The following FAM151A variants were observed in gnomAD, a reference collection of about 807,000 sequenced individuals.
The protein encoded by FAM151A is family with sequence similarity 151 member A.
A neutral mutation model predicts 40.4 loss-of-function variants in FAM151A; 41 were observed. The ratio of observed to expected loss-of-function variants is 1.01; its 90% CI spans 0.79 to 1.32. The LOEUF (loss-of-function observed/expected upper bound fraction) is 1.32. Among genes scored for constraint, FAM151A ranks in the 40% most tolerant of loss-of-function variants. The probability of loss-of-function intolerance (pLI) is 0.00; values close to 1 mark genes in which losing one functional copy is unlikely to be tolerated. For missense variants in FAM151A, 740 were observed against 740.4 expected, an observed-to-expected ratio of 1.00 and a Z score of 0.01; for synonymous variants, 337 against 312.5, an observed-to-expected ratio of 1.08 and a Z score of -0.83.
At position 54,609,187 on chromosome 1, in the gene FAM151A, A is replaced by G; in HGVS notation, c.*81T>C. 1 of 1,602,774 alleles carries G rather than the reference A, an allele frequency of 6.2e-7. No individual in the cohort carries two copies. Among genetic ancestry groups the G allele is most frequent in the Non-Finnish European group, 8.5e-7 (1 of 1,173,944 alleles). The stretch of plus-strand genomic sequence containing the variant: ...AGGACTCACATACAGTGCCTGGAGA[A>G]AGCCAAAGACCTTTATTTCTTCCTG... On this transcript the variant is annotated 3_prime_UTR_variant, in exon 8 of 8. Coordinates refer to ENST00000302250, the MANE Select transcript of FAM151A (RefSeq NM_176782.3).
rs71045199 is a variant in FAM151A at position 54,614,939 on chromosome 1, G to GGTGTGTGT, written c.416-88_416-81dup. 2.9e-3 allele frequency: 3,440 copies of GGTGTGTGT among 1,198,218 alleles called. 6 individuals carry two copies. Among genetic ancestry groups the GGTGTGTGT allele is most frequent in the African/African-American group, 6.0e-3 (412 of 68,210 alleles). The allele number at this position is 1,198,218 out of a possible 1,614,324, so 74.2% of individuals were successfully genotyped here. On this transcript the variant is annotated intron_variant, in intron 3 of 7. Coordinates refer to ENST00000302250, the MANE Select transcript of FAM151A (RefSeq NM_176782.3). ...GACTCCCTGGGCAGAAAGCAGAGCG[G>GGTGTGTGT]GTGTGTGTGTGTGTGCATGTGCGTG...
chr1:54,611,666 C>T lies in FAM151A; in HGVS notation c.880G>A (p.Val294Ile), dbSNP rs915364891. Residue 294 changes from valine to isoleucine, a missense_variant, in exon 6 of 8, where the codon GTC (valine) becomes ATC (isoleucine). Coordinates refer to ENST00000302250, the MANE Select transcript of FAM151A (RefSeq NM_176782.3). ...DLLYVRDNTAVHQVYYDIFEP... is the reference protein window; with the variant it reads ...DLLYVRDNTAIHQVYYDIFEP... ...AAGATGTCATAGTAGACTTGGTGGACAGCAGTGTTATCCCGGACGTAGAGC... is the reference window on the plus strand; with the variant it reads ...AAGATGTCATAGTAGACTTGGTGGATAGCAGTGTTATCCCGGACGTAGAGC... 6.2e-7 allele frequency: 1 copy of T among 1,613,956 alleles called. No homozygotes were observed. Among genetic ancestry groups the T allele is most frequent in the African/African-American group, 1.3e-5 (1 of 74,912 alleles).
chr1:54,614,925 C>T (rs1300724871), intron 3 of FAM151A, 66 bp from the exon 4 acceptor site: 1 of 1,518,162 alleles, frequency 6.6e-7, no homozygotes. Flanking sequence ...ACTCCCTGGG[C>T]AGAAAGCAGA....
chr1:54,615,567 G>A (rs550060628), intron 3 of FAM151A, among the ~76,000 whole-genome samples: 96 of 152,216 alleles, frequency 6.3e-4, no homozygotes, highest in Admixed American at 1.2e-3. Context: ...GACTAGATGG[G>A]GGCAGGGTTA....
chr1:54,609,702 A>C lies in FAM151A; in HGVS notation c.1324T>G (p.Trp442Gly). Residue 442 changes from tryptophan to glycine, a missense_variant, in exon 8 of 8, where the codon TGG (tryptophan) becomes GGG (glycine). Physicochemically the swap from Trp to Gly is radical, Grantham distance 184 (BLOSUM62 -2). Transcript: ENST00000302250. ...SSLGLLHWPV[W>G]VGAKISHGSF... Reference sequence around the variant, plus strand: ...CCGTGGGAGATTTTGGCCCCAACCCACACAGGCCAATGCAAGAGGCCAAGG... The same window carrying C: ...CCGTGGGAGATTTTGGCCCCAACCCCCACAGGCCAATGCAAGAGGCCAAGG... 3 of 1,614,088 alleles carry C rather than the reference A, an allele frequency of 1.9e-6. No individual in the cohort carries two copies. The highest frequency in any genetic ancestry group is 2.5e-6 in the Non-Finnish European group (3 of 1,180,022).
rs1312711989 is a variant in FAM151A, at chr1:54,620,016, A to T, written c.119-9T>A. ...GGCCTCCAGCTCACAGCCTGGAAGG[A>T]ATCCCAAGGGGCTGTTAGCGTCTGT... On this transcript the variant is annotated splice_polypyrimidine_tract_variant and intron_variant, in intron 1 of 7. Transcript: ENST00000302250. 3 of 1,613,436 alleles carry T rather than the reference A, an allele frequency of 1.9e-6. No individual in the cohort carries two copies. The highest frequency in any genetic ancestry group is 2.7e-5 in the African/African-American group (2 of 74,922).
Position 54,623,477 on chromosome 1 carries a change from G to T in FAM151A, c.-82C>A. On this transcript the variant is annotated 5_prime_UTR_variant, in exon 1 of 8. Transcript: ENST00000302250. ...CCCTGCAGCTGGAATCCTGTGGGAGGCAGGAGCTCCCAGCAGCACCTAATT... is the reference window on the plus strand; with the variant it reads ...CCCTGCAGCTGGAATCCTGTGGGAGTCAGGAGCTCCCAGCAGCACCTAATT... 9.8e-7 allele frequency: 1 copy of T among 1,018,894 alleles called. No individual in the cohort carries two copies. The highest frequency in any genetic ancestry group is 1.5e-6 in the Non-Finnish European group (1 of 655,278). The allele number at this position is 1,018,894 out of a possible 1,614,324, so 63.1% of individuals were successfully genotyped here. A position where few individuals can be genotyped will look rare whatever the true frequency, so the allele number is the denominator to read the frequency against.
chr1:54,623,011 C>A (rs1304223076), intron 1 of FAM151A, among the ~76,000 whole-genome samples: 2 of 151,626 alleles, frequency 1.3e-5, no homozygotes, highest in Non-Finnish European at 2.9e-5. Context: ...CCCATCTCTA[C>A]TAAAATTACA....
chr1:54,610,078 G>A, intron 7 of FAM151A, 137 bp from the exon 8 acceptor site: 1 of 1,437,138 alleles, frequency 7.0e-7, no homozygotes, highest in Non-Finnish European at 9.1e-7. Flanking sequence ...ACCCAGTTTT[G>A]GGCTCCAGGT....
Position 54,611,848 on chromosome 1 carries a change from A to G in FAM151A, c.801-103T>C, listed in dbSNP as rs1361503900. On this transcript the variant is annotated intron_variant, in intron 5 of 7. Coordinates refer to ENST00000302250, the MANE Select transcript of FAM151A (RefSeq NM_176782.3). ...ATGTCAGCTGGGCGCAGGGTAGAGC[A>G]TCTGTCCTCCAGTCGCCCACCTGCC... is the stretch of plus-strand genomic sequence containing the variant. 2.1e-6 allele frequency: 3 copies of G among 1,417,012 alleles called. No homozygotes were observed. In the East Asian group the frequency reaches 7.0e-5, roughly 33 times the overall value. The allele number at this position is 1,417,012 out of a possible 1,614,324, so 87.8% of individuals were successfully genotyped here.
At position 54,614,704 on chromosome 1, in the gene FAM151A, T is replaced by C; in HGVS notation, c.571A>G (p.Thr191Ala). The C allele has an allele frequency of 1.2e-6, 2 of 1,612,134 alleles. No individual in the cohort carries two copies. Among genetic ancestry groups the C allele is most frequent in the Non-Finnish European group, 1.7e-6 (2 of 1,178,708 alleles). The change falls in exon 4 of 8, where the codon ACA becomes GCA. Residue 191 changes from threonine to alanine, a missense_variant. By Grantham distance (58) the Thr-to-Ala change is moderately conservative. Coordinates refer to ENST00000302250, the MANE Select transcript of FAM151A (RefSeq NM_176782.3). ...NMLISTEVNA[T>A]QFLALVQEKY... ...GACAGAGAGGCGAACACTCACTGTG[T>C]GGCATTGACCTCAGTTGAGATGAGC...
At chr1:54,612,308 A>T (rs545842571) in intron 5 of FAM151A, among the ~76,000 whole-genome samples, 178 bp downstream of exon 5, 175 of 151,910 alleles carry the variant, frequency 1.2e-3, no homozygotes, top group Middle Eastern at 0.01. Context: ...CTTGGGAGGT[A>T]GTGAGTAGCC....
In FAM151A at chr1:54,619,930, C is replaced by T; in HGVS notation, c.196G>A (p.Asp66Asn). Residue 66 changes from aspartate to asparagine, a missense_variant, in exon 2 of 8, where the codon GAT (aspartate) becomes AAT (asparagine). Physicochemically the swap from Asp to Asn is conservative, Grantham distance 23 (BLOSUM62 1). Coordinates refer to ENST00000302250, the MANE Select transcript of FAM151A (RefSeq NM_176782.3). The stretch of plus-strand genomic sequence containing the variant: ...TGGTACCAGGTGACCTCCAAGGCAT[C>T]TCGCCGGCTGATCTGGCCCAGGCTC... ...LLSLGQISRR[D>N]ALEVTWYHAA... 6.2e-7 allele frequency: 1 copy of T among 1,614,188 alleles called. No individual in the cohort carries two copies. Among genetic ancestry groups the T allele is most frequent in the Non-Finnish European group, 8.5e-7 (1 of 1,180,034 alleles).
rs1020519459 is a variant in FAM151A, at chr1:54,611,898, C to G, written c.801-153G>C. On this transcript the variant is annotated intron_variant, in intron 5 of 7. Transcript: ENST00000302250. ...CACTTCTCCCTGAGTCCTACCCCTT[C>G]CCAAGGGCAGGAGCCAGAGGGAATT... Among the ~76,000 whole-genome samples the G allele has an allele frequency of 2.6e-5, 4 of 152,116 alleles. No homozygotes were observed. The South Asian group carries it at 8.3e-4, about 31-fold the overall frequency.
Position 54,619,971 on chromosome 1 carries a change from A to G in FAM151A, c.155T>C (p.Met52Thr). Residue 52 changes from methionine to threonine, a missense_variant, in exon 2 of 8, where the codon ATG becomes ACG. Met to Thr is a moderately conservative substitution (Grantham distance 81). Coordinates refer to ENST00000302250, the MANE Select transcript of FAM151A (RefSeq NM_176782.3). The part of the protein sequence containing the change: ...ELEACSPDAD[M>T]LDYLLSLGQI... The stretch of plus-strand genomic sequence containing the variant: ...GCCCAGGCTCAGCAGGTAGTCCAGC[A>G]TGTCGGCATCAGGGCTGCAGGCCTC... 6.2e-7 allele frequency: 1 copy of G among 1,614,154 alleles called. No individual in the cohort carries two copies. The highest frequency in any genetic ancestry group is 8.5e-7 in the Non-Finnish European group (1 of 1,180,020).
chr1:54,619,902 G>T lies in FAM151A; in HGVS notation c.224C>A (p.Ala75Glu), dbSNP rs1644212000. 1 of 1,614,062 alleles carries T rather than the reference G, an allele frequency of 6.2e-7. No individual in the cohort carries two copies. ...RDALEVTWYH[A>E]ANSKKAMTAA... ...TGTCATGGCTTTCTTGCTGTTGGCTGCGTGGTACCAGGTGACCTCCAAGGC... is the reference window on the plus strand; with the variant it reads ...TGTCATGGCTTTCTTGCTGTTGGCTTCGTGGTACCAGGTGACCTCCAAGGC... Residue 75 changes from alanine (A) to glutamate (E), a missense_variant, in exon 2 of 8, where the codon GCA becomes GAA. Coordinates refer to ENST00000302250, the MANE Select transcript of FAM151A (RefSeq NM_176782.3).
chr1:54,611,796 C>G, intron 5 of FAM151A, 51 bp from the exon 6 acceptor site: 1 of 1,608,136 alleles, frequency 6.2e-7, no homozygotes, highest in Non-Finnish European at 8.5e-7. Context: ...GCAAGACCCT[C>G]AGCCCCACTC....
intron 1 of FAM151A, among the ~76,000 whole-genome samples, chr1:54,621,243 G>A (rs946827319): frequency 2.0e-5 from 3 of 151,468 alleles, no homozygotes; most frequent in Admixed American, 6.6e-5. Flanking sequence ...GATCACCTGA[G>A]TTCAGGAGTT....
In FAM151A at chr1:54,614,786, T is replaced by C; in HGVS notation, c.489A>G (p.Glu163=). 6.2e-7 allele frequency: 1 copy of C among 1,614,140 alleles called. No individual in the cohort carries two copies. Among genetic ancestry groups the C allele is most frequent in the Non-Finnish European group, 8.5e-7 (1 of 1,180,018 alleles). The change falls in exon 4 of 8, where the codon GAA becomes GAG. Residue 163 remains glutamate (E), a synonymous_variant. Transcript: ENST00000302250. ...SLDLLRQLTE[E]GKVRRPIWIN... ...TCCATATGGGCCGCCGGACTTTGCC[T>C]TCCTCTGTCAGCTGCCGCAGGAGGT...
Sources: gnomAD v4.1 joint callset for allele counts (sites outside exome capture counted in the v4.1 genomes callset) on GRCh38, gnomAD v4.1.1 for gene constraint, MANE v1.5 for transcripts, NCBI Gene and HGNC (gene_info 2026-07-23, HGNC 2026-07-21) for gene names.